Variants in ABCB1 observed in about 807,000 individuals in gnomAD.
ABCB1 encodes ATP-dependent translocase ABCB1.
ABCB1 carries 69 observed loss-of-function variants against 142.0 expected under a neutral mutation model. The ratio of observed to expected loss-of-function variants is 0.49; its 90% CI spans 0.40 to 0.59. ABCB1 has a LOEUF of 0.59. Among genes scored for constraint, ABCB1 ranks in the 20% least tolerant of loss-of-function variants. The probability of loss-of-function intolerance (pLI) is 0.00; values close to 1 mark genes in which losing one functional copy is unlikely to be tolerated. For missense variants in ABCB1, 1,326 were observed against 1,554.7 expected, an observed-to-expected ratio of 0.85 and a Z score of 2.47; for synonymous variants, 532 against 539.2, an observed-to-expected ratio of 0.99 and a Z score of 0.18.
chr7:87,545,123 G>A, intron 15 of ABCB1, 124 bp from the exon 16 acceptor site: 1 of 836,242 alleles, frequency 1.2e-6, no homozygotes, highest in South Asian at 1.5e-5. Flanking sequence ...AAAGGATAAA[G>A]CTAATCTGCT....
intron 5 of ABCB1, among the ~76,000 whole-genome samples, chr7:87,568,189 T>A (rs1584888119): frequency 1.4e-5 from 2 of 148,112 alleles, no homozygotes; most frequent in East Asian, 2.0e-4. Flanking sequence ...AAGTCAGGAG[T>A]TCGAGACCAG....
intron 25 of ABCB1, among the ~76,000 whole-genome samples, chr7:87,513,357 T>C (rs1815099633): frequency 6.6e-6 from 1 of 152,210 alleles, no homozygotes; most frequent in Admixed American, 6.5e-5. Flanking sequence ...GAACTGTAAC[T>C]GATGCTGTCC....
At chr7:87,658,067 A>G (rs190802917) in intron 1 of ABCB1, among the ~76,000 whole-genome samples, 179 of 152,332 alleles carry the variant, frequency 1.2e-3, no homozygotes, top group Non-Finnish European at 1.7e-3. Context: ...AAGATAGTCA[A>G]TAGATGTCAA....
chr7:87,687,892 A>G (rs539285703), intron 1 of ABCB1, among the ~76,000 whole-genome samples: 1 of 152,330 alleles, frequency 6.6e-6, no homozygotes, highest in South Asian at 2.1e-4. Context: ...AACAATGGAT[A>G]ATCATAAACC....
At chr7:87,535,033 A>C (rs117937072) in intron 20 of ABCB1, among the ~76,000 whole-genome samples, 3,781 of 151,810 alleles carry the variant, frequency 0.025, 79 homozygotes, top group Non-Finnish European at 0.039. Context: ...CAACCAACAC[A>C]TTGTTGGCTG....
intron 8 of ABCB1, among the ~76,000 whole-genome samples, chr7:87,554,970 T>C (rs1371887883): frequency 2.0e-5 from 3 of 152,244 alleles, no homozygotes; most frequent in African/African-American, 7.2e-5. Flanking sequence ...ACAGATTTTA[T>C]TTCTGCAGTT....
intron 26 of ABCB1, among the ~76,000 whole-genome samples, chr7:87,508,343 A>G (rs1393414998): frequency 1.3e-5 from 2 of 152,200 alleles, no homozygotes; most frequent in Non-Finnish European, 2.9e-5. Context: ...AAATTTGTAT[A>G]AAATTGCCTT....
At chr7:87,592,628 C>T (rs1184173502) in intron 3 of ABCB1, among the ~76,000 whole-genome samples, 1 of 152,138 alleles carries the variant, frequency 6.6e-6, no homozygotes, top group Non-Finnish European at 1.5e-5. Flanking sequence ...CTGAGTCTAC[C>T]CTGCTTAGTA....
chr7:87,506,223 T>C (rs975763003), intron 26 of ABCB1, 180 bp from the exon 27 acceptor site: 1 of 619,878 alleles, frequency 1.6e-6, no homozygotes, highest in East Asian at 2.8e-5. Flanking sequence ...AGGTTTACTA[T>C]CTATTTGAAA....
chr7:87,600,330 C>G, intron 1 of ABCB1, 140 bp from the exon 2 acceptor site: 1 of 727,524 alleles, frequency 1.4e-6, no homozygotes, highest in Non-Finnish European at 2.4e-6. Flanking sequence ...GCTCTGGCCG[C>G]GATGGGCACT....
At chr7:87,599,260 C>G (rs1042449037) in intron 2 of ABCB1, among the ~76,000 whole-genome samples, 1 of 152,044 alleles carries the variant, frequency 6.6e-6, no homozygotes, top group Non-Finnish European at 1.5e-5. Flanking sequence ...TTTAAATATT[C>G]TATAAAGGCA....
intron 16 of ABCB1, 75 bp downstream of exon 16, chr7:87,544,748 A>G (rs1816695444): frequency 4.1e-6 from 6 of 1,452,590 alleles, no homozygotes; most frequent in South Asian, 2.3e-5. Flanking sequence ...TCCCACTCCT[A>G]CTGTAGCCCT....
chr7:87,616,231 T>C (rs996870657), intron 1 of ABCB1, among the ~76,000 whole-genome samples: 3 of 152,206 alleles, frequency 2.0e-5, no homozygotes, highest in Non-Finnish European at 2.9e-5. Context: ...TGTTAGTTTG[T>C]TGTGATTTCT....
intron 20 of ABCB1, chr7:87,531,704 C>T: frequency 1.8e-6 from 1 of 563,908 alleles, no homozygotes; most frequent in Non-Finnish European, 3.1e-6. Flanking sequence ...TATCAACAAT[C>T]TAGAGTTCAA....
At chr7:87,638,330 T>G (rs1206706605) in intron 1 of ABCB1, among the ~76,000 whole-genome samples, 1 of 145,758 alleles carries the variant, frequency 6.9e-6, no homozygotes, top group African/African-American at 2.6e-5. Context: ...ATAAAACAAG[T>G]TAGGAAGTAT....
intron 1 of ABCB1, among the ~76,000 whole-genome samples, chr7:87,619,020 C>T (rs1200600483): frequency 6.6e-6 from 1 of 152,166 alleles, no homozygotes; most frequent in Non-Finnish European, 1.5e-5. Context: ...TGATTTCAGC[C>T]TTAGGAACCC....
chr7:87,514,204 C>T (rs768286103), intron 25 of ABCB1, among the ~76,000 whole-genome samples: 6 of 152,166 alleles, frequency 3.9e-5, no homozygotes, highest in South Asian at 2.1e-4. Flanking sequence ...CCATACACAG[C>T]GGGTGGGCAT....
At position 87,531,482 on chromosome 7, in the gene ABCB1, G is replaced by A. The variant is rs1280076381; in HGVS notation, c.2497C>T (p.Leu833Phe). The change falls in exon 21 of 28, where the codon CTT becomes TTT. Residue 833 changes from leucine (L) to phenylalanine (F), a missense_variant. Physicochemically the swap from Leu to Phe is conservative, Grantham distance 22. Transcript: ENST00000622132. ...GCTATATTCTGGGTAATTACAGCAA[G>A]CCTGGAACCTATAGCCTGCAAAACA... ...AQVKGAIGSR[L>F]AVITQNIANL... 1 of 1,613,004 alleles carries A rather than the reference G, an allele frequency of 6.2e-7. No individual in the cohort carries two copies. Among genetic ancestry groups the A allele is most frequent in the Admixed American group, 1.7e-5 (1 of 59,928 alleles).
chr7:87,652,996 A>G (rs1823736375), intron 1 of ABCB1, among the ~76,000 whole-genome samples: 1 of 152,018 alleles, frequency 6.6e-6, no homozygotes, highest in South Asian at 2.1e-4. Context: ...TCCCCCAGAC[A>G]CAGTATAGGC....
Sources: gnomAD v4.1 joint callset for allele counts (sites outside exome capture counted in the v4.1 genomes callset) on GRCh38, gnomAD v4.1.1 for gene constraint, MANE v1.5 for transcripts, NCBI Gene and HGNC (gene_info 2026-07-23, HGNC 2026-07-21) for gene names.